Variants in DYRK1A observed in about 807,000 individuals in gnomAD.
DYRK1A encodes the protein dual specificity tyrosine phosphorylation regulated kinase 1A.
Under a neutral mutation model 79.7 loss-of-function variants are expected in DYRK1A, and 9 were observed. The observed-to-expected ratio is 0.11, with a 90% CI of 0.07 to 0.20. The LOEUF (loss-of-function observed/expected upper bound fraction) is 0.20, where lower values mean the gene tolerates loss of function less well. DYRK1A is among the 10% of genes least tolerant of loss of function. The pLI is 1.00. For missense variants in DYRK1A, 622 were observed against 956.0 expected (o/e 0.65, Z 4.61); for synonymous variants, 349 against 329.7 (o/e 1.06, Z -0.63).
At chr21:37,379,061 G>C (rs2049605286) in intron 1 of DYRK1A, among the ~76,000 whole-genome samples, 1 of 152,156 alleles carries the variant, frequency 6.6e-6, no homozygotes, top group African/African-American at 2.4e-5. Context: ...AGATGAGGGA[G>C]AGAGGGAGGG....
At chr21:37,483,011 T>G (rs2052711436) in intron 5 of DYRK1A, among the ~76,000 whole-genome samples, 3 of 152,178 alleles carry the variant, frequency 2.0e-5, no homozygotes, top group Admixed American at 2.0e-4. Context: ...ACACACATGC[T>G]CTACAATTTG....
intron 2 of DYRK1A, among the ~76,000 whole-genome samples, chr21:37,468,276 T>A (rs76990396): frequency 6.8e-6 from 1 of 146,768 alleles, no homozygotes; most frequent in African/African-American, 2.5e-5. Flanking sequence ...CATGCCTGGC[T>A]TTTTTTTTTT....
At chr21:37,476,828 C>CCT (rs1555978557) in intron 3 of DYRK1A, among the ~76,000 whole-genome samples, 1 of 148,426 alleles carries the variant, frequency 6.7e-6, no homozygotes, top group Non-Finnish European at 1.5e-5. Flanking sequence ...TCCCCCCCCC[C>CCT]CCAACCTTAT....
chr21:37,472,419 T>G (rs2148555711), intron 2 of DYRK1A, among the ~76,000 whole-genome samples: 1 of 152,326 alleles, frequency 6.6e-6, no homozygotes, highest in Non-Finnish European at 1.5e-5. Flanking sequence ...TGAAAGTAAG[T>G]CTTAAAGGTT....
intron 2 of DYRK1A, among the ~76,000 whole-genome samples, chr21:37,464,108 G>A (rs1025117395): frequency 6.6e-6 from 1 of 152,170 alleles, no homozygotes; most frequent in African/African-American, 2.4e-5. Context: ...TATCAGAGAT[G>A]ATGGCTTCTG....
chr21:37,425,363 C>A (rs1343650821), intron 2 of DYRK1A, among the ~76,000 whole-genome samples: 1 of 152,008 alleles, frequency 6.6e-6, no homozygotes, highest in African/African-American at 2.4e-5. Context: ...TTAAGAGTTT[C>A]TTATTATTTT....
chr21:37,463,648 G>T (rs1392959952), intron 2 of DYRK1A, among the ~76,000 whole-genome samples: 1 of 152,070 alleles, frequency 6.6e-6, no homozygotes, highest in Non-Finnish European at 1.5e-5. Context: ...TTGAATGCAG[G>T]CCATGTGCCA....
intron 1 of DYRK1A, among the ~76,000 whole-genome samples, chr21:37,377,283 C>T (rs1390951636): frequency 6.6e-6 from 1 of 152,148 alleles, no homozygotes; most frequent in East Asian, 1.9e-4. Context: ...CCACGCCCGG[C>T]TAATTTTTCG....
At chr21:37,430,443 T>C in intron 2 of DYRK1A, 2 of 980,460 alleles carry the variant, frequency 2.0e-6, no homozygotes, top group Non-Finnish European at 2.4e-6. Context: ...ATGATATGTG[T>C]TCAACTTGCA....
intron 5 of DYRK1A, among the ~76,000 whole-genome samples, chr21:37,484,069 G>C (rs532168777): frequency 2.0e-5 from 3 of 152,144 alleles, no homozygotes; most frequent in Non-Finnish European, 4.4e-5. Context: ...GCTCCGCCCC[G>C]TCAGATCAGC....
intron 11 of DYRK1A, 153 bp downstream of exon 11, chr21:37,506,376 G>T: frequency 4.6e-6 from 7 of 1,537,180 alleles, no homozygotes; most frequent in Non-Finnish European, 6.2e-6. Flanking sequence ...TCATAGAGAA[G>T]CACATTCTTG....
At chr21:37,374,516 GC>G (rs1162127731) in intron 1 of DYRK1A, among the ~76,000 whole-genome samples, 1 of 151,892 alleles carries the variant, frequency 6.6e-6, no homozygotes, top group East Asian at 1.9e-4. Context: ...AAGCTCAGAT[GC>G]CTCTCTTTCT....
Position 37,493,169 on chromosome 21 carries a change from T to C in DYRK1A, c.1071+6T>C. The C allele has an allele frequency of 6.3e-7, 1 of 1,593,306 alleles. No individual in the cohort carries two copies. The highest frequency in any genetic ancestry group is 8.6e-7 in the Non-Finnish European group (1 of 1,163,780). On this transcript the variant is annotated splice_donor_region_variant and intron_variant, in intron 8 of 11. Coordinates refer to ENST00000647188, the MANE Select transcript of DYRK1A (RefSeq NM_001347721.2). ...TGTTCAGTGGTGCCAATGAGGTAAA[T>C]GATGTATTGCTTTACAAATTCTGTT...
At chr21:37,473,868 C>T (rs749321939) in intron 3 of DYRK1A, among the ~76,000 whole-genome samples, 26 of 152,072 alleles carry the variant, frequency 1.7e-4, no homozygotes, top group Non-Finnish European at 3.4e-4. Context: ...AGTTTAGTTG[C>T]GTGTTTGAGA....
chr21:37,430,268 G>T, intron 2 of DYRK1A: 2 of 957,050 alleles, frequency 2.1e-6, no homozygotes, highest in Non-Finnish European at 2.5e-6. Context: ...TTTTGTCTTA[G>T]AATCTTCTGA....
At chr21:37,419,080 G>A (rs1028281085) in intron 1 of DYRK1A, 2 of 152,134 alleles carry the variant, frequency 1.3e-5, no homozygotes, top group African/African-American at 4.8e-5. Context: ...TCTATATTAT[G>A]ACCCACTTGT....
rs144261969 is a variant in DYRK1A at position 37,478,212 on chromosome 21, G to T, written c.212G>T (p.Arg71Leu). 3 of 1,613,894 alleles carry T rather than the reference G, an allele frequency of 1.9e-6. No individual in the cohort carries two copies. Among genetic ancestry groups the T allele is most frequent in the Non-Finnish European group, 2.5e-6 (3 of 1,179,978 alleles). The change falls in exon 4 of 12, where the codon CGG becomes CTG. Residue 71 changes from arginine (R) to leucine (L), a missense_variant. Arg to Leu is a moderately radical substitution (Grantham distance 102, BLOSUM62 -2). Coordinates refer to ENST00000647188, the MANE Select transcript of DYRK1A (RefSeq NM_001347721.2). The stretch of plus-strand genomic sequence containing the variant: ...CCTGATATTGTCATGTTACAGAGGC[G>T]GATGCCCCAAACCTTCCGTGACCCA... ...QIQQPLTNQR[R>L]MPQTFRDPAT...
At chr21:37,430,417 A>G (rs1948428403) in intron 2 of DYRK1A, 2 of 985,106 alleles carry the variant, frequency 2.0e-6, no homozygotes, top group Non-Finnish European at 1.2e-6. Flanking sequence ...TACATTTTAA[A>G]AGATGATTTA....
chr21:37,438,842 G>A (rs997362766), intron 2 of DYRK1A, among the ~76,000 whole-genome samples: 1 of 151,954 alleles, frequency 6.6e-6, no homozygotes, highest in African/African-American at 2.4e-5. Context: ...AAATCAGTTC[G>A]CTAATTTCTT....
Sources: gnomAD v4.1 joint callset for allele counts (sites outside exome capture counted in the v4.1 genomes callset) on GRCh38, gnomAD v4.1.1 for gene constraint, MANE v1.5 for transcripts, NCBI Gene and HGNC (gene_info 2026-07-23, HGNC 2026-07-21) for gene names.